The following SLC6A20 variants were observed in gnomAD, a reference collection of about 807,000 sequenced individuals.
SLC6A20 encodes solute carrier family 6 member 20.
SLC6A20 carries 73 observed loss-of-function variants against 64.3 expected under a neutral mutation model. That is an observed-to-expected ratio of 1.14 (90% CI 0.94 to 1.38). The LOEUF (loss-of-function observed/expected upper bound fraction) is 1.38, where lower values mean the gene tolerates loss of function less well. Among genes scored for constraint, SLC6A20 ranks in the 40% most tolerant of loss-of-function variants. The pLI, the probability that SLC6A20 is intolerant of heterozygous loss-of-function variation, is 0.00. For missense variants in SLC6A20, 725 were observed against 772.8 expected (o/e 0.94, Z 0.73); for synonymous variants, 347 against 329.6 (o/e 1.05, Z -0.57).
chr3:45,759,187 AGGGCCCATCCGTGAT>A, intron 10 of SLC6A20, 60 bp from the exon 11 acceptor site: 6 of 1,519,888 alleles, frequency 3.9e-6, no homozygotes, highest in Non-Finnish European at 5.3e-6. Flanking sequence ...CCTGGGCCTC[AGGGCCCATCCGTGAT>A]GGGGAGGTGA....
chr3:45,774,347 T>C (rs1260525576), intron 4 of SLC6A20, among the ~76,000 whole-genome samples: 1 of 152,262 alleles, frequency 6.6e-6, no homozygotes, highest in Non-Finnish European at 1.5e-5. Context: ...TCTGCAGATG[T>C]TGCCCTCTGA....
intron 4 of SLC6A20, among the ~76,000 whole-genome samples, chr3:45,773,438 T>C (rs1699912252): frequency 6.6e-6 from 1 of 152,228 alleles, no homozygotes; most frequent in Admixed American, 6.5e-5. Flanking sequence ...TCATGGTAGC[T>C]TTAGTAGTCA....
chr3:45,761,232 C>CCT (rs1270388792), intron 9 of SLC6A20, among the ~76,000 whole-genome samples: 3 of 151,802 alleles, frequency 2.0e-5, no homozygotes, highest in Admixed American at 1.3e-4. Flanking sequence ...AACCCCCCCC[C>CCT]CTTTCCTGGA....
In SLC6A20 at chr3:45,796,398, A is replaced by C. The variant is rs1283355717; in HGVS notation, c.22T>G (p.Trp8Gly). The change falls in exon 1 of 11, where the codon TGG becomes GGG. Residue 8 changes from tryptophan (W) to glycine (G), a missense_variant. By Grantham distance (184) the Trp-to-Gly change is radical (BLOSUM62 -2). Coordinates refer to ENST00000358525, the MANE Select transcript of SLC6A20 (RefSeq NM_020208.4). ...AACACGAACTGTAGCGAGTTGGCCC[A>C]CAGCGGCCGCGCTTTCTCCATGGCC... Reference protein sequence around the residue: MEKARPLWANSLQFVFAC... With the variant: MEKARPLGANSLQFVFAC... 1 of 1,610,464 alleles carries C rather than the reference A, an allele frequency of 6.2e-7. No individual in the cohort carries two copies. Among genetic ancestry groups the C allele is most frequent in the Non-Finnish European group, 8.5e-7 (1 of 1,179,178 alleles).
At chr3:45,778,481 A>G (rs912854148) in intron 3 of SLC6A20, among the ~76,000 whole-genome samples, 2 of 152,208 alleles carry the variant, frequency 1.3e-5, no homozygotes, top group African/African-American at 4.8e-5. Context: ...GAATGAATGA[A>G]TATTTAAGTG....
rs779518157 is a variant in SLC6A20 at position 45,776,002 on chromosome 3, G to T, written c.355-14C>A. 1.2e-6 allele frequency: 2 copies of T among 1,613,116 alleles called. No individual in the cohort carries two copies. Among genetic ancestry groups the T allele is most frequent in the East Asian group, 2.2e-5 (1 of 44,888 alleles). On this transcript the variant is annotated splice_polypyrimidine_tract_variant and intron_variant, in intron 3 of 10. Transcript: ENST00000358525. Reference sequence around the variant, plus strand: ...CGGCAGGGGATCCTGTGGGACCAAAGCAAGTGTTATCCAGGGAGGTGAAGG... The same window carrying T: ...CGGCAGGGGATCCTGTGGGACCAAATCAAGTGTTATCCAGGGAGGTGAAGG...
At chr3:45,761,296 G>A (rs1429686890) in intron 9 of SLC6A20, among the ~76,000 whole-genome samples, 3 of 150,980 alleles carry the variant, frequency 2.0e-5, no homozygotes, top group Non-Finnish European at 4.4e-5. Context: ...ACTGTTGCTG[G>A]GTGGTCACTA....
At chr3:45,790,065 G>A (rs1167523032) in intron 1 of SLC6A20, among the ~76,000 whole-genome samples, 1 of 152,162 alleles carries the variant, frequency 6.6e-6, no homozygotes, top group Non-Finnish European at 1.5e-5. Flanking sequence ...TGTATGAAAT[G>A]TATCACTGCA....
At chr3:45,773,864 C>T in intron 4 of SLC6A20, among the ~76,000 whole-genome samples, 1 of 152,196 alleles carries the variant, frequency 6.6e-6, no homozygotes, top group East Asian at 1.9e-4. Flanking sequence ...GTAATAAATC[C>T]ACCCAAGATT....
At chr3:45,761,201 C>T (rs921089682) in intron 9 of SLC6A20, among the ~76,000 whole-genome samples, 1 of 151,794 alleles carries the variant, frequency 6.6e-6, no homozygotes, top group Non-Finnish European at 1.5e-5. Context: ...TGGGGGTCCT[C>T]TTGTCCCTTC....
At chr3:45,762,684 A>G (rs1487235214) in intron 9 of SLC6A20, among the ~76,000 whole-genome samples, 1 of 152,218 alleles carries the variant, frequency 6.6e-6, no homozygotes, top group Admixed American at 6.5e-5. Flanking sequence ...CTATGATACA[A>G]AGCAAAAGTA....
chr3:45,768,726 A>C (rs1481342291), intron 7 of SLC6A20, among the ~76,000 whole-genome samples: 1 of 152,206 alleles, frequency 6.6e-6, no homozygotes, highest in Non-Finnish European at 1.5e-5. Flanking sequence ...CAACCACCCC[A>C]AAAATATCAA....
At chr3:45,795,330 A>C (rs536885634) in intron 1 of SLC6A20, among the ~76,000 whole-genome samples, 4 of 54,122 alleles carry the variant, frequency 7.4e-5, no homozygotes, top group East Asian at 1.4e-3. Context: ...GAGAAAATAC[A>C]ATTTTTTTTT....
chr3:45,765,789 T>A lies in SLC6A20; in HGVS notation c.1099-48A>T. The A allele has an allele frequency of 6.2e-7, 1 of 1,604,700 alleles. No individual in the cohort carries two copies. Among genetic ancestry groups the A allele is most frequent in the Non-Finnish European group, 8.5e-7 (1 of 1,172,762 alleles). On this transcript the variant is annotated intron_variant, in intron 7 of 10. Coordinates refer to ENST00000358525, the MANE Select transcript of SLC6A20 (RefSeq NM_020208.4). The surrounding 1 kb of genome is among the most constrained non-coding windows in gnomAD (Gnocchi z 4.2). Reference sequence around the variant, plus strand: ...AGTTACATGCAAGAGGGACTTATAGTCTTATTCACGCACTCAGTACTAAGC... The same window carrying A: ...AGTTACATGCAAGAGGGACTTATAGACTTATTCACGCACTCAGTACTAAGC...
chr3:45,761,230 C>CG (rs1045407757), intron 9 of SLC6A20, among the ~76,000 whole-genome samples: 12 of 151,794 alleles, frequency 7.9e-5, no homozygotes, highest in African/African-American at 2.9e-4. Flanking sequence ...ATAACCCCCC[C>CG]CCCTTTCCTG....
Position 45,765,747 on chromosome 3 carries a change from C to T in SLC6A20, c.1099-6G>A. ...AGGCCAGTGCCCTGGACGGCCTGCC[C>T]AGGGTGAGAAGACACCAGTTACATG... On this transcript the variant is annotated splice_polypyrimidine_tract_variant and splice_region_variant and intron_variant, in intron 7 of 10. Coordinates refer to ENST00000358525, the MANE Select transcript of SLC6A20 (RefSeq NM_020208.4). The surrounding 1 kb of genome is among the most constrained non-coding windows in gnomAD (Gnocchi z 4.2). 6.2e-7 allele frequency: 1 copy of T among 1,614,154 alleles called. No homozygotes were observed. The highest frequency in any genetic ancestry group is 1.1e-5 in the South Asian group (1 of 91,066).
At chr3:45,763,214 G>A in intron 8 of SLC6A20, 142 bp from the exon 9 acceptor site, 1 of 1,267,944 alleles carries the variant, frequency 7.9e-7, no homozygotes, top group Non-Finnish European at 1.1e-6. Context: ...GAGCTGTCAT[G>A]GTTTGGACTC....
chr3:45,767,304 A>C (rs1452377224), intron 7 of SLC6A20, among the ~76,000 whole-genome samples: 1 of 152,268 alleles, frequency 6.6e-6, no homozygotes. Context: ...AAATGTTTAA[A>C]GAAACAAAGG....
In SLC6A20 at chr3:45,780,118, G is replaced by T; in HGVS notation, c.263-18C>A. ...GGCGACCCCTGCGAGGAAGCAGAGGGCCGCGCTGAGGACTGAGGATGGCCC... is the reference window on the plus strand; with the variant it reads ...GGCGACCCCTGCGAGGAAGCAGAGGTCCGCGCTGAGGACTGAGGATGGCCC... On this transcript the variant is annotated intron_variant, in intron 2 of 10. Transcript: ENST00000358525. The T allele has an allele frequency of 6.4e-7, 1 of 1,570,392 alleles. No individual in the cohort carries two copies. Among genetic ancestry groups the T allele is most frequent in the Non-Finnish European group, 8.6e-7 (1 of 1,157,266 alleles).
Sources: allele counts gnomAD v4.1 joint callset (sites outside exome capture counted in the v4.1 genomes callset), GRCh38; gene constraint gnomAD v4.1.1; non-coding constraint Gnocchi (gnomAD v3.1); transcripts MANE v1.5; gene names NCBI Gene and HGNC (gene_info 2026-07-23, HGNC 2026-07-21).